Variants in GRM7 observed in about 807,000 individuals in gnomAD.
The protein encoded by GRM7 is metabotropic glutamate receptor 7.
A neutral mutation model predicts 84.5 loss-of-function variants in GRM7; 35 were observed. The ratio of observed to expected loss-of-function variants is 0.41; its 90% CI spans 0.32 to 0.55. The LOEUF is 0.55. Among genes scored for constraint, GRM7 ranks in the 20% least tolerant of loss-of-function variants. GRM7 has a pLI of 0.19. For missense variants in GRM7, 1,003 were observed against 1,194.6 expected (o/e 0.84, Z 2.36); for synonymous variants, 487 against 455.1 (o/e 1.07, Z -0.89).
At chr3:7,489,232 CTT>C (rs960469269) in intron 7 of GRM7, among the ~76,000 whole-genome samples, 4 of 152,118 alleles carry the variant, frequency 2.6e-5, no homozygotes, top group African/African-American at 7.2e-5. Flanking sequence ...AGTATTTTCT[CTT>C]CTTTTTCATT....
At chr3:7,331,497 GAC>G (rs1323466630) in intron 4 of GRM7, among the ~76,000 whole-genome samples, 3 of 152,200 alleles carry the variant, frequency 2.0e-5, no homozygotes, top group African/African-American at 7.2e-5. Flanking sequence ...TACTGTGTAA[GAC>G]ACAAATATTC....
intron 8 of GRM7, among the ~76,000 whole-genome samples, chr3:7,659,288 G>T (rs527648741): frequency 9.9e-5 from 15 of 152,140 alleles, no homozygotes; most frequent in Non-Finnish European, 2.2e-4. Flanking sequence ...TGCAGTACAG[G>T]AGATAGCCTG....
chr3:7,202,978 G>T (rs1309516601), intron 2 of GRM7, among the ~76,000 whole-genome samples: 1 of 152,204 alleles, frequency 6.6e-6, no homozygotes, highest in African/African-American at 2.4e-5. Context: ...ATATGAGTGT[G>T]TGTTAGATGC....
chr3:6,932,741 T>C lies in GRM7; in HGVS notation c.519+70834T>C, dbSNP rs998733090. Among the ~76,000 whole-genome samples, 3 of 147,344 alleles carry C rather than the reference T, an allele frequency of 2.0e-5. No homozygotes were observed. In the East Asian group the frequency reaches 6.0e-4, roughly 29 times the overall value. ...TTTTGTTTATTTTTTTAATGTTTTC[T>C]TCTTTCTCTCTTTTTTTTTTTTTTT... On this transcript the variant is annotated intron_variant, in intron 1 of 9. Coordinates refer to ENST00000357716, the MANE Select transcript of GRM7 (RefSeq NM_000844.4).
At chr3:7,251,488 T>A (rs894545691) in intron 2 of GRM7, among the ~76,000 whole-genome samples, 1 of 152,154 alleles carries the variant, frequency 6.6e-6, no homozygotes, top group African/African-American at 2.4e-5. Flanking sequence ...CATTCAGACT[T>A]CATATGCGTG....
At chr3:7,448,212 A>G (rs779758) in intron 5 of GRM7, among the ~76,000 whole-genome samples, 66,331 of 150,032 alleles carry the variant, frequency 0.44, 15,066 homozygotes, top group South Asian at 0.6. Flanking sequence ...ATAAACATAC[A>G]TGTGCATGTG....
At chr3:7,139,000 TA>T (rs1056845469) in intron 1 of GRM7, among the ~76,000 whole-genome samples, 2 of 148,880 alleles carry the variant, frequency 1.3e-5, no homozygotes, top group Non-Finnish European at 3.0e-5. Context: ...ACCTTTACTA[TA>T]TTTTTTTAGT....
At chr3:7,278,942 C>T (rs1160701031) in intron 2 of GRM7, among the ~76,000 whole-genome samples, 2 of 152,120 alleles carry the variant, frequency 1.3e-5, no homozygotes, top group Non-Finnish European at 2.9e-5. Context: ...AATCTTATTG[C>T]TTTGTTCTCA....
intron 2 of GRM7, among the ~76,000 whole-genome samples, chr3:7,256,834 AT>A (rs1326075089): frequency 6.6e-6 from 1 of 152,318 alleles, no homozygotes; most frequent in African/African-American, 2.4e-5. Context: ...AATTTAATCA[AT>A]TTTCCAATAG....
intron 1 of GRM7, among the ~76,000 whole-genome samples, chr3:7,141,867 A>G (rs1693955294): frequency 6.6e-6 from 1 of 152,146 alleles, no homozygotes; most frequent in African/African-American, 2.4e-5. Flanking sequence ...CAAGTAGTTA[A>G]CCATTTGGAA....
intron 4 of GRM7, among the ~76,000 whole-genome samples, chr3:7,378,167 G>A (rs983295436): frequency 3.3e-5 from 5 of 152,122 alleles, no homozygotes; most frequent in African/African-American, 7.2e-5. Context: ...CCCGGGAAGA[G>A]ACAATACACT....
intron 1 of GRM7, among the ~76,000 whole-genome samples, chr3:7,024,707 G>A (rs1409735801): frequency 6.6e-6 from 1 of 152,174 alleles, no homozygotes; most frequent in East Asian, 1.9e-4. Context: ...AGCCTAGAAG[G>A]GGCTGCTTGT....
At chr3:7,568,645 A>G (rs1694453478) in intron 7 of GRM7, among the ~76,000 whole-genome samples, 1 of 152,150 alleles carries the variant, frequency 6.6e-6, no homozygotes, top group Non-Finnish European at 1.5e-5. Context: ...CTTGCGGGCC[A>G]GCTGGAGTTT....
chr3:7,081,401 C>G (rs1326930040), intron 1 of GRM7, among the ~76,000 whole-genome samples: 2 of 152,070 alleles, frequency 1.3e-5, no homozygotes, highest in Non-Finnish European at 2.9e-5. Context: ...TGGGGCACCA[C>G]AAACAGTCTC....
At chr3:6,902,234 A>G (rs1356560796) in intron 1 of GRM7, among the ~76,000 whole-genome samples, 1 of 152,164 alleles carries the variant, frequency 6.6e-6, no homozygotes, top group Non-Finnish European at 1.5e-5. Context: ...GGTCCACAGA[A>G]ATTTGTTTTG....
At chr3:7,480,227 G>A (rs537829633) in intron 7 of GRM7, among the ~76,000 whole-genome samples, 1 of 152,256 alleles carries the variant, frequency 6.6e-6, no homozygotes, top group African/African-American at 2.4e-5. Context: ...ACTCCGCTAG[G>A]CCCCTCAAGA....
rs567100603 is a variant in GRM7, at chr3:6,904,851, A to T, written c.519+42944A>T. Among the ~76,000 whole-genome samples the T allele has an allele frequency of 2.0e-5, 3 of 151,952 alleles. No homozygotes were observed. The East Asian group carries it at 5.8e-4, about 30-fold the overall frequency. On this transcript the variant is annotated intron_variant, in intron 1 of 9. Coordinates refer to ENST00000357716, the MANE Select transcript of GRM7 (RefSeq NM_000844.4). ...TCCTCCACCTTCAGTCTCCCAAATA[A>T]TTAGAACTACAGGCACATAGCACCC...
At chr3:7,215,614 G>A (rs1696580775) in intron 2 of GRM7, among the ~76,000 whole-genome samples, 1 of 151,970 alleles carries the variant, frequency 6.6e-6, no homozygotes, top group Non-Finnish European at 1.5e-5. Context: ...GCAGTGAGCT[G>A]AGATCGCGCC....
chr3:7,485,515 C>T (rs1699287553), intron 7 of GRM7, among the ~76,000 whole-genome samples: 1 of 152,172 alleles, frequency 6.6e-6, no homozygotes, highest in Admixed American at 6.5e-5. Context: ...TTTATTCTGT[C>T]ATTCACGTTA....
Sources: allele counts gnomAD v4.1 joint callset (sites outside exome capture counted in the v4.1 genomes callset), GRCh38; gene constraint gnomAD v4.1.1; transcripts MANE v1.5; gene names NCBI Gene and HGNC (gene_info 2026-07-23, HGNC 2026-07-21).